RGS5: variants seen among roughly 807,000 people sequenced by gnomAD.
RGS5 encodes regulator of G protein signaling 5.
A neutral mutation model predicts 18.9 loss-of-function variants in RGS5; 20 were observed. The ratio of observed to expected loss-of-function variants is 1.06; its 90% CI spans 0.74 to 1.54. The LOEUF (loss-of-function observed/expected upper bound fraction) is 1.54, where lower values mean the gene tolerates loss of function less well. Among genes scored for constraint, RGS5 ranks in the 40% most tolerant of loss-of-function variants. The probability of loss-of-function intolerance (pLI) is 0.00; values close to 1 mark genes in which losing one functional copy is unlikely to be tolerated. For synonymous variants in RGS5, 57 were observed against 76.2 expected, an observed-to-expected ratio of 0.75 and a Z score of 1.31; for missense variants, 201 against 211.8, an observed-to-expected ratio of 0.95 and a Z score of 0.32.
At chr1:163,212,940 T>G (rs995179125) in intron 1 of RGS5, 5 of 152,172 alleles carry the variant, frequency 3.3e-5, no homozygotes, top group African/African-American at 1.2e-4. Context: ...ATGAATTAGC[T>G]TATGCTCCCT....
At chr1:163,181,277 G>T (rs1339594342) in intron 1 of RGS5, among the ~76,000 whole-genome samples, 1 of 151,980 alleles carries the variant, frequency 6.6e-6, no homozygotes, top group Non-Finnish European at 1.5e-5. Flanking sequence ...ACCTACTCCT[G>T]TTGCCCTCCT....
At chr1:163,196,982 C>T (rs954879969) in intron 1 of RGS5, among the ~76,000 whole-genome samples, 3 of 152,108 alleles carry the variant, frequency 2.0e-5, no homozygotes, top group Non-Finnish European at 4.4e-5. Context: ...GTCTACTATA[C>T]CAAATACAGT....
chr1:163,284,844 T>G (rs1241123603), intron 2 of RGS5, among the ~76,000 whole-genome samples: 1 of 151,992 alleles, frequency 6.6e-6, no homozygotes, highest in Middle Eastern at 3.2e-3. Flanking sequence ...TCAAGTTATT[T>G]CACTAGGATA....
At chr1:163,278,446 G>A (rs1357253162) in intron 2 of RGS5, among the ~76,000 whole-genome samples, 1 of 152,022 alleles carries the variant, frequency 6.6e-6, no homozygotes, top group African/African-American at 2.4e-5. Flanking sequence ...TTCATCATTA[G>A]ACTGGCCACT....
intron 1 of RGS5, among the ~76,000 whole-genome samples, chr1:163,311,864 T>C (rs1181772616): frequency 6.6e-6 from 1 of 152,244 alleles, no homozygotes; most frequent in Non-Finnish European, 1.5e-5. Context: ...ACAATGGCAC[T>C]GACAGACTTG....
intron 2 of RGS5, chr1:163,237,691 GA>G (rs111744299): frequency 3.3e-5 from 5 of 150,396 alleles, no homozygotes; most frequent in Non-Finnish European, 7.4e-5. Flanking sequence ...AAAGAAGAAG[GA>G]AAAAAAAAGA....
chr1:163,205,624 C>T (rs1659937734), upstream of RGS5, among the ~76,000 whole-genome samples: 1 of 151,862 alleles, frequency 6.6e-6, no homozygotes, highest in Non-Finnish European at 1.5e-5. Context: ...CAGGGGGGTG[C>T]TTCAAAGAGA....
At chr1:163,301,239 T>C (rs944574878) in intron 2 of RGS5, among the ~76,000 whole-genome samples, 1 of 152,192 alleles carries the variant, frequency 6.6e-6, no homozygotes, top group African/African-American at 2.4e-5. Flanking sequence ...TCATCAATCA[T>C]TGTGGCCTAT....
intron 4 of RGS5, among the ~76,000 whole-genome samples, chr1:163,148,077 C>A (rs1657226178): frequency 6.6e-6 from 1 of 151,726 alleles, no homozygotes; most frequent in Non-Finnish European, 1.5e-5. Flanking sequence ...CAGGCATGTG[C>A]CACCACGCCG....
chr1:163,204,841 G>T (rs982544980), upstream of RGS5, among the ~76,000 whole-genome samples: 6 of 152,108 alleles, frequency 3.9e-5, no homozygotes, highest in African/African-American at 1.2e-4. Flanking sequence ...ATACCAAGGG[G>T]CCTTGAGGAG....
rs1657110832 is a variant in RGS5 at position 163,145,914 on chromosome 1, T to A, written c.*1428A>T. 1.3e-5 allele frequency: 2 copies of A among 152,194 alleles called. No homozygotes were observed. The allele number at this position is 152,194 out of a possible 1,614,324, so 9.4% of individuals were successfully genotyped here. A position where few individuals can be genotyped will look rare whatever the true frequency, so the allele number is the denominator to read the frequency against. ...ATCTTCTACTTAACATTTCAGAATT[T>A]TATTAATCCTTTAAAAATCACCCTA... On this transcript the variant is annotated 3_prime_UTR_variant, in exon 5 of 5. Transcript: ENST00000313961.
At chr1:163,214,861 T>C (rs762668961) in intron 1 of RGS5, among the ~76,000 whole-genome samples, 3 of 152,208 alleles carry the variant, frequency 2.0e-5, no homozygotes, top group Non-Finnish European at 2.9e-5. Context: ...TGCCAAATTT[T>C]GTTTTTTCCA....
rs1179709283 is a variant in RGS5, at chr1:163,276,087, C to T, written c.-281+30146G>A. 5.3e-5 allele frequency among the ~76,000 whole-genome samples: 8 copies of T among 152,206 alleles called. No individual in the cohort carries two copies. The East Asian group carries it at 5.8e-4, about 11-fold the overall frequency. ...TTGGCTCACTGCAACCTTCACCTTC[C>T]GGGTTCAAGCAATTCTCCTACCTCA... On this transcript the variant is annotated intron_variant, in intron 2 of 5. Coordinates refer to the RGS5 transcript ENST00000618415.
chr1:163,159,600 T>C (rs564895672), intron 3 of RGS5, among the ~76,000 whole-genome samples: 8 of 152,278 alleles, frequency 5.3e-5, no homozygotes, highest in South Asian at 4.1e-4. Flanking sequence ...CCTTCTTTTT[T>C]AGTTGGGCTA....
chr1:163,272,443 T>C (rs1648746828), intron 2 of RGS5, among the ~76,000 whole-genome samples: 1 of 152,174 alleles, frequency 6.6e-6, no homozygotes, highest in South Asian at 2.1e-4. Flanking sequence ...TTTTCTTGTA[T>C]GGCTTCTGCT....
At chr1:163,175,991 A>G (rs980990660) in intron 1 of RGS5, among the ~76,000 whole-genome samples, 2 of 152,200 alleles carry the variant, frequency 1.3e-5, no homozygotes, top group African/African-American at 4.8e-5. Flanking sequence ...GCTTTCACTC[A>G]TATTAGTGAT....
intron 2 of RGS5, among the ~76,000 whole-genome samples, chr1:163,236,759 G>A (rs1571310315): frequency 6.6e-6 from 1 of 152,100 alleles, no homozygotes; most frequent in East Asian, 1.9e-4. Flanking sequence ...TCAAGAGATC[G>A]AGACCATCCT....
upstream of RGS5, among the ~76,000 whole-genome samples, chr1:163,220,079 G>C (rs1370396126): frequency 1.3e-5 from 2 of 152,082 alleles, no homozygotes; most frequent in Non-Finnish European, 2.9e-5. Context: ...ACTAGATACT[G>C]TTTATAATTT....
intron 3 of RGS5, among the ~76,000 whole-genome samples, chr1:163,158,930 C>T (rs374611178): frequency 4.2e-4 from 64 of 152,232 alleles, no homozygotes; most frequent in African/African-American, 2.9e-4. Flanking sequence ...AAAAGACAGC[C>T]GTTCCCAAAG....
Sources: allele counts gnomAD v4.1 joint callset (sites outside exome capture counted in the v4.1 genomes callset), GRCh38; gene constraint gnomAD v4.1.1; transcripts MANE v1.5; gene names NCBI Gene and HGNC (gene_info 2026-07-23, HGNC 2026-07-21).